ARFGEF1: variants seen among roughly 807,000 people sequenced by gnomAD.
The protein encoded by ARFGEF1 is brefeldin A-inhibited guanine nucleotide-exchange protein 1.
Under a neutral mutation model 231.0 loss-of-function variants are expected in ARFGEF1, and 42 were observed. The observed-to-expected ratio is 0.18, with a 90% CI of 0.14 to 0.24. ARFGEF1 has a LOEUF of 0.24. Among genes scored for constraint, ARFGEF1 ranks in the 10% least tolerant of loss-of-function variants. The pLI, the probability that ARFGEF1 is intolerant of heterozygous loss-of-function variation, is 1.00. For missense variants in ARFGEF1, 1,345 were observed against 2,192.0 expected, an observed-to-expected ratio of 0.61 and a Z score of 7.72; for synonymous variants, 710 against 732.3, an observed-to-expected ratio of 0.97 and a Z score of 0.49.
chr8:67,334,644 A>G (rs1808261227), intron 1 of ARFGEF1, among the ~76,000 whole-genome samples: 1 of 152,224 alleles, frequency 6.6e-6, no homozygotes, highest in Admixed American at 6.5e-5. Context: ...TGGCAGTATT[A>G]TTCATTCAAC....
At position 67,292,085 on chromosome 8, in the gene ARFGEF1, C is replaced by T; in HGVS notation, c.678G>A (p.Arg226=). 1 of 1,613,416 alleles carries T rather than the reference C, an allele frequency of 6.2e-7. No homozygotes were observed. Among genetic ancestry groups the T allele is most frequent in the South Asian group, 1.1e-5 (1 of 90,854 alleles). The change falls in exon 6 of 39, where the codon CGG becomes CGA. Residue 226 remains arginine, a synonymous_variant. Coordinates refer to ENST00000262215, the MANE Select transcript of ARFGEF1 (RefSeq NM_006421.5). The part of the protein sequence containing the change: ...EAKQMEKERH[R]QHHHLLQSPV... ...GAGACTGTAACAGATGATGATGCTG[C>T]CGATGCCTTTCTTTTTCCATTTGTT... is the stretch of plus-strand genomic sequence containing the variant.
chr8:67,329,979 T>C (rs940714609), intron 1 of ARFGEF1, among the ~76,000 whole-genome samples: 2 of 151,992 alleles, frequency 1.3e-5, no homozygotes, highest in African/African-American at 4.8e-5. Flanking sequence ...GCTACTCAAT[T>C]TAATAACACA....
chr8:67,258,376 G>A (rs1587149397), intron 15 of ARFGEF1, 86 bp from the exon 16 acceptor site: 1 of 953,508 alleles, frequency 1.0e-6, no homozygotes. Context: ...CCCAGGCTGG[G>A]GTGCAGTGGC....
At chr8:67,229,517 C>T (rs1011507485) in intron 23 of ARFGEF1, among the ~76,000 whole-genome samples, 2 of 151,986 alleles carry the variant, frequency 1.3e-5, no homozygotes, top group African/African-American at 4.8e-5. Context: ...AAAGAAATGT[C>T]TTAAGATTTT....
chr8:67,327,610 G>A (rs1052338515), intron 1 of ARFGEF1, among the ~76,000 whole-genome samples: 1 of 152,092 alleles, frequency 6.6e-6, no homozygotes, highest in Admixed American at 6.5e-5. Context: ...GTGAGCCAAC[G>A]CACCTGGCCC....
In ARFGEF1 at chr8:67,259,850, C is replaced by T. The variant is rs1187751821; in HGVS notation, c.2200G>A (p.Ala734Thr). 4 of 1,612,140 alleles carry T rather than the reference C, an allele frequency of 2.5e-6. No individual in the cohort carries two copies. Among genetic ancestry groups the T allele is most frequent in the Non-Finnish European group, 3.4e-6 (4 of 1,178,970 alleles). Residue 734 changes from alanine (A) to threonine (T), a missense_variant, in exon 15 of 39, where the codon GCC becomes ACC. Coordinates refer to ENST00000262215, the MANE Select transcript of ARFGEF1 (RefSeq NM_006421.5). ...GMLGTTPEDIAQFLHQEERLD... is the reference protein window; with the variant it reads ...GMLGTTPEDITQFLHQEERLD... Reference sequence around the variant, plus strand: ...CTTTCCTCTTGATGTAAGAATTGGGCAATATCTTCAGGTGTGGTGCCAAGC... The same window carrying T: ...CTTTCCTCTTGATGTAAGAATTGGGTAATATCTTCAGGTGTGGTGCCAAGC...
chr8:67,320,872 A>G (rs2128927474), intron 1 of ARFGEF1, among the ~76,000 whole-genome samples: 2 of 152,286 alleles, frequency 1.3e-5, no homozygotes, highest in Non-Finnish European at 2.9e-5. Flanking sequence ...GAGGCAGGAG[A>G]ATTGCTTGAA....
intron 34 of ARFGEF1, among the ~76,000 whole-genome samples, chr8:67,207,466 A>G (rs1164419566): frequency 6.6e-6 from 1 of 152,202 alleles, no homozygotes; most frequent in Non-Finnish European, 1.5e-5. Flanking sequence ...TCCTAACTAC[A>G]GTCTCACTAG....
intron 5 of ARFGEF1, 68 bp from the exon 6 acceptor site, chr8:67,292,191 C>A: frequency 7.4e-7 from 1 of 1,351,494 alleles, no homozygotes; most frequent in Non-Finnish European, 1.0e-6. Context: ...ATAATGTTAC[C>A]TCCAACAATC....
intron 23 of ARFGEF1, among the ~76,000 whole-genome samples, chr8:67,230,913 T>C (rs1355250611): frequency 1.3e-5 from 2 of 152,134 alleles, no homozygotes; most frequent in Non-Finnish European, 2.9e-5. Context: ...AATTAGAAAA[T>C]TTTATCACCT....
chr8:67,260,736 A>C (rs186438593), intron 14 of ARFGEF1, among the ~76,000 whole-genome samples: 39 of 152,298 alleles, frequency 2.6e-4, no homozygotes, highest in Admixed American at 1.2e-3. Flanking sequence ...AAAAACTAGA[A>C]ATAATTGAGC....
At chr8:67,337,384 C>T (rs199763292) in intron 1 of ARFGEF1, among the ~76,000 whole-genome samples, 1 of 152,108 alleles carries the variant, frequency 6.6e-6, no homozygotes, top group African/African-American at 2.4e-5. Flanking sequence ...TGGATGCCAT[C>T]CCCTCTGTTA....
At chr8:67,301,448 A>T in intron 2 of ARFGEF1, 68 bp from the exon 3 acceptor site, 4 of 1,472,762 alleles carry the variant, frequency 2.7e-6, no homozygotes. Flanking sequence ...ACCCATGTAG[A>T]AACACAGAAT....
intron 5 of ARFGEF1, among the ~76,000 whole-genome samples, chr8:67,175,866 C>T (rs1166922581): frequency 6.6e-6 from 1 of 152,222 alleles, no homozygotes; most frequent in Non-Finnish European, 1.5e-5. Flanking sequence ...ATCTGTAAAG[C>T]ATCAGACTGG....
chr8:67,195,722 A>G (rs959484549), downstream of ARFGEF1: 2 of 669,400 alleles, frequency 3.0e-6, no homozygotes, highest in Non-Finnish European at 5.2e-6. Flanking sequence ...ATATAAAATT[A>G]TTTTTATCAT....
chr8:67,251,427 T>G lies in ARFGEF1; in HGVS notation c.2722A>C (p.Arg908=), dbSNP rs1840279458. Residue 908 remains arginine (R), a synonymous_variant, in exon 19 of 39, where the codon AGA becomes CGA. Transcript: ENST00000262215. ...KQNVASEKQR[R]LLYNLEMEQM... is the part of the protein sequence containing the mutation. ...TCCATTTCTAAGTTATACAGAAGTC[T>G]TCTTTGTTTTTCACTGGCTACATCT... is the stretch of plus-strand genomic sequence containing the variant. The G allele has an allele frequency of 1.2e-6, 2 of 1,606,698 alleles. No homozygotes were observed. Among genetic ancestry groups the G allele is most frequent in the Non-Finnish European group, 1.7e-6 (2 of 1,176,418 alleles).
rs767009212 is a variant in ARFGEF1 at position 67,238,526 on chromosome 8, C to T, written c.3139-33G>A. 4 of 1,575,320 alleles carry T rather than the reference C, an allele frequency of 2.5e-6. No homozygotes were observed. The Admixed American group carries it at 7.7e-5, about 30-fold the overall frequency. ...ACAAAAAGGAAAAAAATGTTAAATT[C>T]CATGTTAAAAATATCTTCAAAAAGA... On this transcript the variant is annotated intron_variant, in intron 21 of 38. Coordinates refer to ENST00000262215, the MANE Select transcript of ARFGEF1 (RefSeq NM_006421.5).
At chr8:67,191,201 G>A (rs1836136890) in intron 5 of ARFGEF1, among the ~76,000 whole-genome samples, 1 of 152,180 alleles carries the variant, frequency 6.6e-6, no homozygotes, top group Non-Finnish European at 1.5e-5. Context: ...CTGCTCCCCA[G>A]CTTTACAATA....
intron 7 of ARFGEF1, among the ~76,000 whole-genome samples, chr8:67,284,825 A>G (rs577334607): frequency 1.9e-4 from 29 of 152,312 alleles, no homozygotes; most frequent in African/African-American, 6.5e-4. Flanking sequence ...TTGGTTTCTA[A>G]GAACAACTGC....
Sources: gnomAD v4.1 joint callset for allele counts (sites outside exome capture counted in the v4.1 genomes callset) on GRCh38, gnomAD v4.1.1 for gene constraint, MANE v1.5 for transcripts, NCBI Gene and HGNC (gene_info 2026-07-23, HGNC 2026-07-21) for gene names.